The following DOCK1 variants were observed in gnomAD, a reference collection of about 807,000 sequenced individuals.
DOCK1 encodes dedicator of cytokinesis protein 1.
A neutral mutation model predicts 262.7 loss-of-function variants in DOCK1; 138 were observed. The observed-to-expected ratio is 0.53, with a 90% CI of 0.46 to 0.61. The LOEUF (loss-of-function observed/expected upper bound fraction) is 0.61. DOCK1 is among the 20% of genes least tolerant of loss of function. The pLI is 0.00. For synonymous variants in DOCK1, 866 were observed against 867.4 expected, an observed-to-expected ratio of 1.00 and a Z score of 0.03; for missense variants, 1,908 against 2,370.7, an observed-to-expected ratio of 0.80 and a Z score of 4.05.
chr10:127,381,476 T>G, intron 37 of DOCK1, 108 bp downstream of exon 37: 1 of 886,810 alleles, frequency 1.1e-6, no homozygotes, highest in Non-Finnish European at 1.6e-6. Flanking sequence ...AACTTAAGGT[T>G]TTATGAAATT....
chr10:127,413,916 A>AT (rs200195531), intron 43 of DOCK1, among the ~76,000 whole-genome samples: 3 of 147,942 alleles, frequency 2.0e-5, no homozygotes, highest in Admixed American at 6.7e-5. Context: ...GTTTTCTGAA[A>AT]ATTTTTTTTT....
chr10:127,024,308 A>G (rs2042666703), intron 14 of DOCK1, among the ~76,000 whole-genome samples: 1 of 152,176 alleles, frequency 6.6e-6, no homozygotes, highest in South Asian at 2.1e-4. Context: ...AACAGTGTTC[A>G]TGGCTGGAGG....
At chr10:127,017,862 T>A (rs557589016) in intron 12 of DOCK1, among the ~76,000 whole-genome samples, 1 of 152,212 alleles carries the variant, frequency 6.6e-6, no homozygotes, top group South Asian at 2.1e-4. Flanking sequence ...CTTTGACTTG[T>A]TGGAATGTGT....
chr10:127,321,365 A>ATTTTTTTTTTTTTT (rs113267450), intron 29 of DOCK1, among the ~76,000 whole-genome samples: 1 of 127,198 alleles, frequency 7.9e-6, no homozygotes. Flanking sequence ...TCTCTAGCTC[A>ATTTTTTTTTTTTTT]TTTTTTTTTT....
rs10525314 is a variant in DOCK1, at chr10:127,280,009, CATAT to C, written c.3044+22602_3044+22605del. ...TTTTAGTGGTTTTAAAATTTTATTT[CATAT>C]ATATATATATATATATATATAATTT... On this transcript the variant is annotated intron_variant, in intron 29 of 51. Coordinates refer to ENST00000623213, the MANE Select transcript of DOCK1 (RefSeq NM_001290223.2). Among the ~76,000 whole-genome samples, 307 of 114,288 alleles carry C rather than the reference CATAT, an allele frequency of 2.7e-3. 1 individual carries two copies. Among genetic ancestry groups the C allele is most frequent in the African/African-American group, 3.9e-3 (111 of 28,236 alleles). 75.0% of individuals were successfully genotyped at this position (114,288 alleles called of 152,430 possible).
At chr10:127,445,510 A>C (rs2070479538) in intron 50 of DOCK1, among the ~76,000 whole-genome samples, 1 of 152,178 alleles carries the variant, frequency 6.6e-6, no homozygotes, top group Non-Finnish European at 1.5e-5. Context: ...TTGCACTATT[A>C]CTACATGATC....
At chr10:127,189,869 A>C (rs2134078284) in intron 27 of DOCK1, among the ~76,000 whole-genome samples, 1 of 150,658 alleles carries the variant, frequency 6.6e-6, no homozygotes, top group African/African-American at 2.5e-5. Context: ...TTGATTTTTA[A>C]AATGATAAAT....
chr10:126,971,096 G>C (rs1056309414), intron 2 of DOCK1, among the ~76,000 whole-genome samples: 2 of 151,082 alleles, frequency 1.3e-5, no homozygotes, highest in Non-Finnish European at 2.9e-5. Flanking sequence ...TGTCGCACAG[G>C]CTGGAGTGAG....
chr10:127,410,714 C>T (rs1394990749), intron 42 of DOCK1, 126 bp from the exon 43 acceptor site: 1 of 773,712 alleles, frequency 1.3e-6, no homozygotes, highest in East Asian at 2.9e-5. Flanking sequence ...AAGGCGATGG[C>T]TTCAGGTCAA....
Position 127,374,170 on chromosome 10 carries a change from G to A in DOCK1, c.3631G>A (p.Asp1211Asn), listed in dbSNP as rs2065357394. 6.2e-7 allele frequency: 1 copy of A among 1,613,548 alleles called. No individual in the cohort carries two copies. Among genetic ancestry groups the A allele is most frequent in the Non-Finnish European group, 8.5e-7 (1 of 1,179,766 alleles). ...RLLDYRTIMH[D>N]ENKENRMSCT... ...TTTGGATTATAGAACCATCATGCACGACGAGAACAAAGAAAACCGCATGAG... is the reference window on the plus strand; with the variant it reads ...TTTGGATTATAGAACCATCATGCACAACGAGAACAAAGAAAACCGCATGAG... Residue 1211 changes from aspartate (D) to asparagine (N), a missense_variant, in exon 35 of 52, where the codon GAC (aspartate) becomes AAC (asparagine). Physicochemically the swap from Asp to Asn is conservative, Grantham distance 23. Around this residue, in one of 9 missense-constraint regions of DOCK1, gnomAD observed 267 missense variants for 366.3 expected, o/e 0.73. Coordinates refer to ENST00000623213, the MANE Select transcript of DOCK1 (RefSeq NM_001290223.2).
At chr10:127,371,301 A>G (rs551141596) in intron 33 of DOCK1, among the ~76,000 whole-genome samples, 16 of 152,228 alleles carry the variant, frequency 1.1e-4, no homozygotes, top group Non-Finnish European at 1.9e-4. Context: ...TGTGTAAATT[A>G]CTTAGTTTGG....
intron 25 of DOCK1, among the ~76,000 whole-genome samples, chr10:127,119,327 T>G (rs1436217384): frequency 1.3e-5 from 2 of 152,188 alleles, no homozygotes; most frequent in Non-Finnish European, 2.9e-5. Flanking sequence ...ATTACAGGCG[T>G]GAGCCACCGC....
At chr10:127,047,186 C>T (rs866861121) in intron 21 of DOCK1, among the ~76,000 whole-genome samples, 1 of 48,440 alleles carries the variant, frequency 2.1e-5, no homozygotes, top group Non-Finnish European at 3.8e-5. Flanking sequence ...GCTTGAGGGT[C>T]ATCCTTATGA....
At chr10:127,196,862 C>T (rs1182732153) in intron 27 of DOCK1, among the ~76,000 whole-genome samples, 1 of 151,908 alleles carries the variant, frequency 6.6e-6, no homozygotes, top group Non-Finnish European at 1.5e-5. Flanking sequence ...TTGAGTCTAC[C>T]CTGGAGCCGC....
intron 19 of DOCK1, among the ~76,000 whole-genome samples, chr10:127,042,232 C>G (rs2044065855): frequency 1.3e-5 from 2 of 152,130 alleles, no homozygotes; most frequent in South Asian, 4.1e-4. Flanking sequence ...GGGTCCTGTC[C>G]CTGTGTGGCT....
chr10:127,290,354 G>T (rs1287667489), intron 29 of DOCK1, among the ~76,000 whole-genome samples: 5 of 151,972 alleles, frequency 3.3e-5, no homozygotes, highest in South Asian at 2.1e-4. Context: ...CTCCTTTTCT[G>T]TGATATTCAA....
chr10:127,148,322 G>T (rs2052124453), intron 27 of DOCK1, among the ~76,000 whole-genome samples: 1 of 152,198 alleles, frequency 6.6e-6, no homozygotes, highest in Admixed American at 6.5e-5. Context: ...GTCACTCAGG[G>T]CTTGCAACTG....
chr10:126,957,094 C>T (rs1428380346), intron 1 of DOCK1, among the ~76,000 whole-genome samples: 1 of 152,152 alleles, frequency 6.6e-6, no homozygotes, highest in Non-Finnish European at 1.5e-5. Flanking sequence ...CAGCCTGTGC[C>T]AACAGGCACT....
intron 24 of DOCK1, among the ~76,000 whole-genome samples, chr10:127,108,244 A>C (rs2048655546): frequency 6.6e-6 from 1 of 152,238 alleles, no homozygotes; most frequent in South Asian, 2.1e-4. Context: ...CAAAAGAATC[A>C]GAAAGTGCTG....
Sources: gnomAD v4.1 joint callset for allele counts (sites outside exome capture counted in the v4.1 genomes callset) on GRCh38, gnomAD v4.1.1 for gene constraint, gnomAD v4.1.1 regional missense constraint, MANE v1.5 for transcripts, NCBI Gene and HGNC (gene_info 2026-07-23, HGNC 2026-07-21) for gene names.